Variants in PRKG2 observed in about 807,000 individuals in gnomAD.
The protein encoded by PRKG2 is cGMP-dependent protein kinase 2.
PRKG2 carries 33 observed loss-of-function variants against 97.2 expected under a neutral mutation model. The ratio of observed to expected loss-of-function variants is 0.34; its 90% CI spans 0.26 to 0.45. The LOEUF is 0.45. PRKG2 is among the 20% of genes least tolerant of loss of function. The pLI is 1.00. For synonymous variants in PRKG2, 330 were observed against 321.8 expected (o/e 1.03, Z -0.27); for missense variants, 638 against 900.0 (o/e 0.71, Z 3.73).
At chr4:81,131,763 C>A (rs1746200749) in intron 14 of PRKG2, among the ~76,000 whole-genome samples, 1 of 152,116 alleles carries the variant, frequency 6.6e-6, no homozygotes, top group African/African-American at 2.4e-5. Context: ...GCTGACTGTA[C>A]ATGTTTATTT....
At chr4:81,190,443 A>C (rs1232606668) in intron 2 of PRKG2, among the ~76,000 whole-genome samples, 3 of 152,220 alleles carry the variant, frequency 2.0e-5, no homozygotes, top group Non-Finnish European at 4.4e-5. Context: ...AAAGTAACTC[A>C]AGATGCATTA....
At chr4:81,158,442 A>ATCCAACTTAC (rs1749305087) in intron 6 of PRKG2, among the ~76,000 whole-genome samples, 4 of 150,300 alleles carry the variant, frequency 2.7e-5, no homozygotes, top group African/African-American at 1.0e-4. Flanking sequence ...TGCTCAAGGA[A>ATCCAACTTAC]ATAAAAGAGG....
At chr4:81,217,641 C>T (rs1210356527), upstream of PRKG2, among the ~76,000 whole-genome samples, 1 of 152,100 alleles carries the variant, frequency 6.6e-6, no homozygotes, top group African/African-American at 2.4e-5. Context: ...TTAGAGTGTA[C>T]AATCCAGTGA....
chr4:81,091,243 T>A (rs989662823), intron 18 of PRKG2, among the ~76,000 whole-genome samples: 1 of 152,094 alleles, frequency 6.6e-6, no homozygotes, highest in African/African-American at 2.4e-5. Context: ...ATAGTAGACA[T>A]GTTTAAAGGA....
chr4:81,207,512 C>A (rs1262052284), intron 1 of PRKG2, among the ~76,000 whole-genome samples: 1 of 152,102 alleles, frequency 6.6e-6, no homozygotes, highest in Non-Finnish European at 1.5e-5. Context: ...TCAAATTTGA[C>A]ACAGAAAACA....
chr4:81,201,628 T>C (rs1021549700), intron 2 of PRKG2, among the ~76,000 whole-genome samples: 9 of 152,190 alleles, frequency 5.9e-5, no homozygotes, highest in Non-Finnish European at 1.3e-4. Flanking sequence ...ACTTATGATA[T>C]ATCTAAGCAC....
chr4:81,180,672 G>T (rs1751326748), intron 2 of PRKG2, among the ~76,000 whole-genome samples: 1 of 152,116 alleles, frequency 6.6e-6, no homozygotes, highest in Non-Finnish European at 1.5e-5. Flanking sequence ...GTCCCACATT[G>T]ATTCTGGGAG....
intron 9 of PRKG2, among the ~76,000 whole-genome samples, chr4:81,145,632 T>G (rs79518872): frequency 0.039 from 5,957 of 152,130 alleles, 393 homozygotes; most frequent in African/African-American, 0.14. Context: ...AAAATAATCC[T>G]TTTCCTCACC....
intron 17 of PRKG2, among the ~76,000 whole-genome samples, chr4:81,104,168 G>A (rs1264037857): frequency 6.6e-6 from 1 of 152,082 alleles, no homozygotes; most frequent in Non-Finnish European, 1.5e-5. Flanking sequence ...TTCTTGATAC[G>A]AATTTCCAGC....
chr4:81,210,266 GA>G (rs57051776), intron 1 of PRKG2, among the ~76,000 whole-genome samples: 19,110 of 145,148 alleles, frequency 0.13, 1,972 homozygotes, highest in East Asian at 0.32. Flanking sequence ...CTTCTGCTCT[GA>G]AAAAAAAAAG....
At chr4:81,150,237 C>A (rs1352705533) in intron 8 of PRKG2, among the ~76,000 whole-genome samples, 1 of 152,146 alleles carries the variant, frequency 6.6e-6, no homozygotes, top group Non-Finnish European at 1.5e-5. Context: ...ATTCCTTTTG[C>A]ATGTCAGTAT....
chr4:81,134,482 C>T (rs188750147), intron 14 of PRKG2, among the ~76,000 whole-genome samples: 15 of 152,214 alleles, frequency 9.9e-5, no homozygotes, highest in Non-Finnish European at 1.9e-4. Flanking sequence ...GGTTCCTTCC[C>T]GAGGCCCAAG....
intron 14 of PRKG2, among the ~76,000 whole-genome samples, chr4:81,125,952 C>A (rs1186676820): frequency 6.6e-6 from 1 of 151,998 alleles, no homozygotes; most frequent in Non-Finnish European, 1.5e-5. Flanking sequence ...TAGGTATACA[C>A]GTGCCATGGT....
chr4:81,137,563 T>C, intron 12 of PRKG2, 81 bp from the exon 13 acceptor site: 1 of 1,082,832 alleles, frequency 9.2e-7, no homozygotes, highest in Non-Finnish European at 1.4e-6. Context: ...ACTATCATCA[T>C]AACATTAGGA....
At chr4:81,112,211 G>A (rs558346636) in intron 14 of PRKG2, among the ~76,000 whole-genome samples, 14 of 152,032 alleles carry the variant, frequency 9.2e-5, no homozygotes, top group Admixed American at 9.2e-4. Context: ...ATTTGAAGTG[G>A]GCTTTTGCTG....
chr4:81,135,512 C>A (rs2110028034), intron 13 of PRKG2, among the ~76,000 whole-genome samples: 1 of 152,228 alleles, frequency 6.6e-6, no homozygotes. Flanking sequence ...AACTACTTCA[C>A]TAAAATTAAA....
At chr4:81,152,312 T>C (rs1748485731) in intron 7 of PRKG2, among the ~76,000 whole-genome samples, 1 of 152,316 alleles carries the variant, frequency 6.6e-6, no homozygotes, top group Middle Eastern at 3.4e-3. Flanking sequence ...CTCCACCTCC[T>C]AAAGTTAAAT....
chr4:81,140,750 T>C (rs895611322), intron 11 of PRKG2, 81 bp from the exon 12 acceptor site: 6 of 1,274,932 alleles, frequency 4.7e-6, no homozygotes, highest in African/African-American at 1.5e-5. Context: ...TAAAACTGTT[T>C]CATGTTTAAT....
At chr4:81,177,057 G>T (rs1750991550) in intron 2 of PRKG2, among the ~76,000 whole-genome samples, 1 of 151,864 alleles carries the variant, frequency 6.6e-6, no homozygotes, top group Non-Finnish European at 1.5e-5. Context: ...GTTTTCTTTT[G>T]TGACTTAACT....
Sources: gnomAD v4.1 joint callset for allele counts (sites outside exome capture counted in the v4.1 genomes callset) on GRCh38, gnomAD v4.1.1 for gene constraint, MANE v1.5 for transcripts, NCBI Gene and HGNC (gene_info 2026-07-23, HGNC 2026-07-21) for gene names.